Variants in CDH12 observed in about 807,000 individuals in gnomAD.
CDH12 encodes cadherin-12.
A neutral mutation model predicts 74.1 loss-of-function variants in CDH12; 41 were observed. The ratio of observed to expected loss-of-function variants is 0.55; its 90% CI spans 0.43 to 0.72. CDH12 has a LOEUF of 0.72. Among genes scored for constraint, CDH12 ranks in the 30% least tolerant of loss-of-function variants. CDH12 has a pLI of 0.00. For synonymous variants in CDH12, 399 were observed against 355.0 expected (o/e 1.12, Z -1.39); for missense variants, 945 against 977.2 (o/e 0.97, Z 0.44).
At chr5:22,715,713 A>G (rs1336242363) in intron 1 of CDH12, among the ~76,000 whole-genome samples, 1 of 151,762 alleles carries the variant, frequency 6.6e-6, no homozygotes, top group South Asian at 2.1e-4. Context: ...AGGCAGGAGA[A>G]TCGCTTGAAC....
At chr5:22,418,168 T>C (rs1743480892) in intron 2 of CDH12, among the ~76,000 whole-genome samples, 1 of 152,144 alleles carries the variant, frequency 6.6e-6, no homozygotes, top group South Asian at 2.1e-4. Flanking sequence ...TTACATCCCT[T>C]GTAAGTTATA....
At chr5:22,033,876 T>A (rs982882586) in intron 5 of CDH12, among the ~76,000 whole-genome samples, 4 of 152,188 alleles carry the variant, frequency 2.6e-5, no homozygotes, top group Non-Finnish European at 5.9e-5. Context: ...CACTTAGCAT[T>A]TCTGTCATTA....
chr5:22,797,183 TAAAAAA>T (rs58951425), intron 1 of CDH12, among the ~76,000 whole-genome samples: 14 of 86,270 alleles, frequency 1.6e-4, no homozygotes, highest in African/African-American at 5.1e-4. Context: ...AGTGCCTTTA[TAAAAAA>T]AAAAAAAAAA....
At chr5:22,037,044 A>G (rs1180310373) in intron 5 of CDH12, among the ~76,000 whole-genome samples, 1 of 152,232 alleles carries the variant, frequency 6.6e-6, no homozygotes, top group Non-Finnish European at 1.5e-5. Context: ...AGGAGAAGAA[A>G]CAAAATTTTT....
chr5:22,824,057 A>G (rs2126483615), intron 1 of CDH12, among the ~76,000 whole-genome samples: 1 of 152,280 alleles, frequency 6.6e-6, no homozygotes, highest in Admixed American at 6.6e-5. Context: ...TAACTCCAAG[A>G]ACATAAATAT....
intron 1 of CDH12, among the ~76,000 whole-genome samples, chr5:22,818,737 T>A (rs1749516740): frequency 6.6e-6 from 1 of 152,168 alleles, no homozygotes. Context: ...AGAGACTTAA[T>A]CACAGGCAAT....
intron 1 of CDH12, among the ~76,000 whole-genome samples, chr5:22,679,564 A>T (rs1000328347): frequency 1.3e-5 from 2 of 152,146 alleles, no homozygotes; most frequent in African/African-American, 2.4e-5. Flanking sequence ...TATTATTAAC[A>T]GTGATGTGTC....
At chr5:22,655,759 T>A (rs182814464) in intron 1 of CDH12, among the ~76,000 whole-genome samples, 1 of 152,334 alleles carries the variant, frequency 6.6e-6, no homozygotes, top group African/African-American at 2.4e-5. Flanking sequence ...GTCGCATCTC[T>A]CACCACAATT....
intron 4 of CDH12, among the ~76,000 whole-genome samples, chr5:22,157,028 G>A (rs1323462652): frequency 6.6e-6 from 1 of 152,064 alleles, no homozygotes; most frequent in Admixed American, 6.6e-5. Flanking sequence ...AAAATGACAT[G>A]TTTAACAAAA....
chr5:22,497,515 T>TC (rs1230427290), intron 2 of CDH12, among the ~76,000 whole-genome samples: 1 of 152,076 alleles, frequency 6.6e-6, no homozygotes, highest in Non-Finnish European at 1.5e-5. Context: ...AAAAGGAGCT[T>TC]CCTAATTCCA....
At chr5:22,682,032 A>G (rs191194944) in intron 1 of CDH12, among the ~76,000 whole-genome samples, 1 of 152,224 alleles carries the variant, frequency 6.6e-6, no homozygotes, top group Non-Finnish European at 1.5e-5. Flanking sequence ...CTACAGTGTT[A>G]AGAAAATATG....
intron 1 of CDH12, among the ~76,000 whole-genome samples, chr5:22,551,080 C>A (rs1219491079): frequency 3.3e-5 from 5 of 152,160 alleles, no homozygotes; most frequent in Admixed American, 2.0e-4. Context: ...TCCTTGGAAT[C>A]TTGTCAGAGC....
intron 2 of CDH12, among the ~76,000 whole-genome samples, chr5:22,416,364 C>T (rs187846267): frequency 2.9e-4 from 44 of 152,066 alleles, no homozygotes; most frequent in Admixed American, 7.9e-4. Context: ...CGTGAGCCAC[C>T]GCGCCCGGCC....
intron 1 of CDH12, among the ~76,000 whole-genome samples, chr5:22,691,660 A>C (rs1050294701): frequency 1.3e-5 from 2 of 152,298 alleles, no homozygotes; most frequent in Admixed American, 6.5e-5. Context: ...TAATGCCTCC[A>C]GTGGAAGCCA....
chr5:22,299,694 A>C (rs921732106), intron 3 of CDH12, among the ~76,000 whole-genome samples: 3 of 152,016 alleles, frequency 2.0e-5, no homozygotes, highest in African/African-American at 7.3e-5. Context: ...CTCTGGATCA[A>C]CTCCTTATGC....
At chr5:22,706,000 T>C (rs1397229709) in intron 1 of CDH12, among the ~76,000 whole-genome samples, 4 of 152,100 alleles carry the variant, frequency 2.6e-5, no homozygotes, top group Non-Finnish European at 4.4e-5. Context: ...ATATGACATA[T>C]GTTATTTATG....
intron 3 of CDH12, among the ~76,000 whole-genome samples, chr5:22,315,118 G>GGTTTTTTTTTTTT (rs1344184080): frequency 1.1e-4 from 1 of 9,396 alleles, no homozygotes; most frequent in Non-Finnish European, 2.4e-4. Flanking sequence ...TGCCTGCCTG[G>GGTTTTTTTTTTTT]CTTTTTTTTT....
At chr5:22,258,666 ACTTTTTAC>A (rs1267226533) in intron 3 of CDH12, among the ~76,000 whole-genome samples, 1 of 151,864 alleles carries the variant, frequency 6.6e-6, no homozygotes, top group African/African-American at 2.4e-5. Flanking sequence ...CAGGTGTATC[ACTTTTTAC>A]CTTTTATACC....
At chr5:22,653,810 C>T (rs1442772233) in intron 1 of CDH12, among the ~76,000 whole-genome samples, 1 of 152,202 alleles carries the variant, frequency 6.6e-6, no homozygotes. Flanking sequence ...ATGTCGCATT[C>T]TACTTATTGA....
Sources: gnomAD v4.1 joint callset for allele counts (sites outside exome capture counted in the v4.1 genomes callset) on GRCh38, gnomAD v4.1.1 for gene constraint, MANE v1.5 for transcripts, NCBI Gene and HGNC (gene_info 2026-07-23, HGNC 2026-07-21) for gene names.